The following SLC4A2 variants were observed in gnomAD, a reference collection of about 807,000 sequenced individuals.
SLC4A2 encodes solute carrier family 4 member 2, also known as anion exchange protein 2.
SLC4A2 carries 36 observed loss-of-function variants against 115.0 expected under a neutral mutation model. That is an observed-to-expected ratio of 0.31 (90% CI 0.24 to 0.41). The LOEUF is 0.41. SLC4A2 is among the 10% of genes least tolerant of loss of function. SLC4A2 has a pLI of 1.00. For missense variants in SLC4A2, 1,252 were observed against 1,705.6 expected (o/e 0.73, Z 4.68); for synonymous variants, 708 against 708.3 (o/e 1.00, Z 0.01).
At chr7:151,072,768 C>T (rs1302300466) in intron 16 of SLC4A2, among the ~76,000 whole-genome samples, 3 of 151,684 alleles carry the variant, frequency 2.0e-5, no homozygotes, top group Non-Finnish European at 4.4e-5. Context: ...AAGTGTTTCT[C>T]CTGCCTCAGC....
In SLC4A2 at chr7:151,066,571, A is replaced by G. The variant is rs1455127825; in HGVS notation, c.633A>G (p.Ala211=). ...AEAVAVASGT[A]GGDDGGASGR... ...CGGTGGCGGTGGCCAGTGGCACTGC[A>G]GGGGGTGACGACGGGGGTGCCTCGG... The change falls in exon 6 of 23, where the codon GCA becomes GCG. Residue 211 remains alanine (A), a synonymous_variant. Transcript: ENST00000413384. 1 of 1,546,196 alleles carries G rather than the reference A, an allele frequency of 6.5e-7. No homozygotes were observed.
chr7:151,064,437 G>A, intron 3 of SLC4A2, 70 bp downstream of exon 3: 1 of 1,572,852 alleles, frequency 6.4e-7, no homozygotes, highest in Non-Finnish European at 8.7e-7. Flanking sequence ...AAGGGACTGG[G>A]GTCCTAGTGG....
At chr7:151,074,901 TCAGCATGGAACCTC>T (rs1797564164) in intron 19 of SLC4A2, 60 bp downstream of exon 19, 1 of 1,490,414 alleles carries the variant, frequency 6.7e-7, no homozygotes, top group Non-Finnish European at 9.0e-7. Flanking sequence ...GCTGGGGAAC[TCAGCATGGAACCTC>T]CAGCCACACT....
intron 2 of SLC4A2, chr7:151,063,153 C>A (rs767912187): frequency 2.8e-5 from 37 of 1,343,156 alleles, no homozygotes; most frequent in Non-Finnish European, 3.4e-5. Context: ...CCGGCTGTGC[C>A]GGCCGGCCGC....
chr7:151,075,374 C>T lies in SLC4A2; in HGVS notation c.3167C>T (p.Ala1056Val). 1 of 1,612,010 alleles carries T rather than the reference C, an allele frequency of 6.2e-7. No individual in the cohort carries two copies. Residue 1056 changes from alanine (A) to valine (V), a missense_variant, in exon 20 of 23, where the codon GCT becomes GTT. Transcript: ENST00000413384. The part of the protein sequence containing the change: ...CALFGLPWLA[A>V]ATVRSVTHAN... ...CTCTTTGGCCTGCCCTGGTTGGCTG[C>T]TGCCACTGTCCGCTCTGTCACTCAC... is the stretch of plus-strand genomic sequence containing the variant.
rs1282972626 is a variant in SLC4A2 at position 151,071,375 on chromosome 7, A to G, written c.1976-15A>G. On this transcript the variant is annotated splice_polypyrimidine_tract_variant and intron_variant, in intron 13 of 22. Coordinates refer to ENST00000413384, the MANE Select transcript of SLC4A2 (RefSeq NM_003040.4). This position sits in a 1 kb window ranked among gnomAD's most constrained non-coding sequence, Gnocchi z 5.5. ...AAGAGGGGCTGGGGCGCCCTGACGG[A>G]GGCCTGGGTTGCAGCGCTCCTGCAG... 7 of 1,576,610 alleles carry G rather than the reference A, an allele frequency of 4.4e-6. No homozygotes were observed. The highest frequency in any genetic ancestry group is 1.8e-5 in the Admixed American group (1 of 56,780).
At chr7:151,075,838 A>G (rs35486071) in intron 21 of SLC4A2, 63 bp downstream of exon 21, 29,656 of 1,533,368 alleles carry the variant, frequency 0.019, 436 homozygotes, top group Non-Finnish European at 0.02. Flanking sequence ...TACTTGGGTC[A>G]CTCTCCAGCT....
rs200397030 is a variant in SLC4A2, at chr7:151,071,634, C to T, written c.2191+29C>T. ...AGGAGAGCCTTCAGGTAGGGGGCGG[C>T]GGGGACTGCCCAGGGCCTGGCCACC... On this transcript the variant is annotated intron_variant, in intron 14 of 22. Transcript: ENST00000413384. The surrounding 1 kb of genome is among the most constrained non-coding windows in gnomAD (Gnocchi z 5.5). The T allele has an allele frequency of 3.3e-5, 54 of 1,613,018 alleles. No homozygotes were observed. The highest frequency in any genetic ancestry group is 6.7e-5 in the East Asian group (3 of 44,864).
At position 151,060,034 on chromosome 7, in the gene SLC4A2, A is replaced by T. The variant is rs923154950; in HGVS notation, c.-64+272A>T. The T allele has an allele frequency of 2.0e-5, 3 of 152,086 alleles. No individual in the cohort carries two copies. The highest frequency in any genetic ancestry group is 7.2e-5 in the African/African-American group (3 of 41,388). The allele number at this position is 152,086 out of a possible 1,614,324, so 9.4% of individuals were successfully genotyped here. The stretch of plus-strand genomic sequence containing the variant: ...CCACCAGGAGGGGGTAGTCTCCCCG[A>T]GGCGCCGCCGGCCCTCCCACTCCCC... On this transcript the variant is annotated intron_variant, in intron 1 of 22. Transcript: ENST00000413384. The surrounding 1 kb of genome is among the most constrained non-coding windows in gnomAD (Gnocchi z 5.9).
rs369855549 is a variant in SLC4A2 at position 151,060,381 on chromosome 7, C to T, written c.-64+619C>T. Among the ~76,000 whole-genome samples, 5 of 152,310 alleles carry T rather than the reference C, an allele frequency of 3.3e-5. No individual in the cohort carries two copies. In the South Asian group the frequency reaches 8.3e-4, roughly 25 times the overall value. ...TCTACTTTATCCCCCTTCGTTTCCC[C>T]CGCCAGCCCCACATGGAAGAGCTGC... is the stretch of plus-strand genomic sequence containing the variant. On this transcript the variant is annotated intron_variant, in intron 1 of 22. Coordinates refer to ENST00000413384, the MANE Select transcript of SLC4A2 (RefSeq NM_003040.4). The surrounding 1 kb of genome is among the most constrained non-coding windows in gnomAD (Gnocchi z 5.9).
In SLC4A2 at chr7:151,075,360, G is replaced by A; in HGVS notation, c.3153G>A (p.Leu1051=). The change falls in exon 20 of 23, where the codon CTG becomes CTA. Residue 1051 remains leucine, a synonymous_variant. Coordinates refer to ENST00000413384, the MANE Select transcript of SLC4A2 (RefSeq NM_003040.4). ...GCGGCATCTGTGCCCTCTTTGGCCTGCCCTGGTTGGCTGCTGCCACTGTCC... is the reference window on the plus strand; with the variant it reads ...GCGGCATCTGTGCCCTCTTTGGCCTACCCTGGTTGGCTGCTGCCACTGTCC... ...AMGGICALFG[L]PWLAAATVRS... 6.2e-7 allele frequency: 1 copy of A among 1,612,540 alleles called. No individual in the cohort carries two copies.
intron 7 of SLC4A2, 60 bp from the exon 8 acceptor site, chr7:151,067,814 A>G: frequency 2.0e-6 from 3 of 1,490,062 alleles, no homozygotes; most frequent in Non-Finnish European, 2.8e-6. Context: ...CACCTCTGAC[A>G]CCCACCCCAG....
Position 151,075,748 on chromosome 7 carries a change from C to T in SLC4A2, c.3444C>T (p.His1148=). 1.2e-6 allele frequency: 2 copies of T among 1,609,330 alleles called. No homozygotes were observed. The highest frequency in any genetic ancestry group is 1.7e-6 in the Non-Finnish European group (2 of 1,176,120). Residue 1148 remains histidine, a synonymous_variant, in exon 21 of 23, where the codon CAC becomes CAT. Transcript: ENST00000413384. ...ATCTGCTGCTCATGCCGCCCAAACA[C>T]CACCCAGATGTCACTTACGTCAAGA... ...RLHLLLMPPK[H]HPDVTYVKKV...
At chr7:151,070,370 T>A (rs781493616) in intron 10 of SLC4A2, 24 bp downstream of exon 10, 13 of 1,609,054 alleles carry the variant, frequency 8.1e-6, no homozygotes, top group Non-Finnish European at 1.0e-5. Context: ...CAGCCCTGCC[T>A]GGGCTGGCGG....
chr7:151,063,011 A>G, intron 2 of SLC4A2: 2 of 1,447,232 alleles, frequency 1.4e-6, no homozygotes, highest in Non-Finnish European at 1.8e-6. Flanking sequence ...CTTCAGGTCC[A>G]GAAGCTCTTG....
chr7:151,062,059 G>A (rs1797066971), intron 2 of SLC4A2, 21 bp downstream of exon 2: 1 of 1,604,942 alleles, frequency 6.2e-7, no homozygotes, highest in Non-Finnish European at 8.5e-7. Flanking sequence ...CCCCCAGGTC[G>A]CCAGCCCAAC....
At chr7:151,068,615 G>T (rs1797316980) in intron 8 of SLC4A2, among the ~76,000 whole-genome samples, 1 of 152,026 alleles carries the variant, frequency 6.6e-6, no homozygotes, top group African/African-American at 2.4e-5. Flanking sequence ...CACCTCCCAT[G>T]CTCAAGTGAT....
Position 151,062,093 on chromosome 7 carries a change from G to A in SLC4A2, c.51+55G>A, listed in dbSNP as rs1797068262. 2.0e-6 allele frequency: 3 copies of A among 1,502,752 alleles called. No homozygotes were observed. In the Admixed American group the frequency reaches 5.3e-5, roughly 27 times the overall value. 93.1% of individuals were successfully genotyped at this position (1,502,752 alleles called of 1,614,324 possible). A position where few individuals can be genotyped will look rare whatever the true frequency, so the allele number is the denominator to read the frequency against. ...ACCTTCCCTCCCTGGGCAGCCTTGG[G>A]TGCTCCGGCCAAGGGTCCTCGCCAA... On this transcript the variant is annotated intron_variant, in intron 2 of 22. Coordinates refer to ENST00000413384, the MANE Select transcript of SLC4A2 (RefSeq NM_003040.4).
intron 2 of SLC4A2, 117 bp downstream of exon 2, chr7:151,062,155 A>G: frequency 1.2e-6 from 1 of 815,978 alleles, no homozygotes; most frequent in Non-Finnish European, 2.0e-6. Context: ...GGAGACTGGG[A>G]GGATGCTGCC....
Sources: allele counts gnomAD v4.1 joint callset (sites outside exome capture counted in the v4.1 genomes callset), GRCh38; gene constraint gnomAD v4.1.1; non-coding constraint Gnocchi (gnomAD v3.1); transcripts MANE v1.5; gene names NCBI Gene and HGNC (gene_info 2026-07-23, HGNC 2026-07-21).